Variants in H2AZ2 observed in about 807,000 individuals in gnomAD.
H2AZ2 encodes the protein H2A.Z variant histone 2, also known as histone H2A.V.
A neutral mutation model predicts 15.5 loss-of-function variants in H2AZ2; 5 were observed. The observed-to-expected ratio is 0.32, with a 90% CI of 0.17 to 0.68. The LOEUF is 0.68. H2AZ2 is among the 30% of genes least tolerant of loss of function. The pLI is 0.72. For synonymous variants in H2AZ2, 44 were observed against 57.4 expected (o/e 0.77, Z 1.05); for missense variants, 42 against 162.5 (o/e 0.26, Z 4.03).
chr7:44,847,632 A>T (rs1196535654), intron 1 of H2AZ2, among the ~76,000 whole-genome samples: 1 of 152,188 alleles, frequency 6.6e-6, no homozygotes, highest in African/African-American at 2.4e-5. Flanking sequence ...AGAAGCGATC[A>T]CATTAAGATC....
intron 3 of H2AZ2, 39 bp from the exon 4 acceptor site, chr7:44,835,697 C>T: frequency 6.6e-7 from 1 of 1,522,942 alleles, no homozygotes; most frequent in Admixed American, 2.1e-5. Context: ...AATGAAGGAC[C>T]TAGGATCCCA....
intron 1 of H2AZ2, 129 bp downstream of exon 1, chr7:44,847,840 G>A: frequency 7.8e-7 from 1 of 1,289,538 alleles, no homozygotes; most frequent in Non-Finnish European, 1.0e-6. Flanking sequence ...GGCGGGCGGC[G>A]AGGGGCTCGG....
downstream of H2AZ2, chr7:44,827,547 T>C (rs1792942793): frequency 6.6e-6 from 1 of 152,220 alleles, no homozygotes; most frequent in Non-Finnish European, 1.5e-5. Context: ...TTTCCAGTGT[T>C]GAGATGTTAG....
intron 3 of H2AZ2, among the ~76,000 whole-genome samples, chr7:44,835,986 G>C (rs1793111300): frequency 7.3e-6 from 1 of 137,188 alleles, no homozygotes; most frequent in South Asian, 2.3e-4. Context: ...TTGAGACAAG[G>C]TCTCACTCCA....
intron 3 of H2AZ2, among the ~76,000 whole-genome samples, chr7:44,835,864 G>A (rs1009255263): frequency 2.6e-5 from 4 of 151,392 alleles, no homozygotes; most frequent in Non-Finnish European, 5.9e-5. Context: ...ACACAAACTT[G>A]AGCAAAAACC....
chr7:44,848,051 C>A lies in H2AZ2; in HGVS notation c.-80G>T, dbSNP rs1023389975. ...CGCGCCGCCGCCGCCGCTCTCGCAG[C>A]ACCGACCGCCGCCGCCGGAGCCGGA... On this transcript the variant is annotated 5_prime_UTR_variant, in exon 1 of 5. Coordinates refer to ENST00000308153, the MANE Select transcript of H2AZ2 (RefSeq NM_012412.5). The A allele has an allele frequency of 1.1e-5, 10 of 918,748 alleles. No individual in the cohort carries two copies. In the Admixed American group the frequency reaches 1.3e-4, roughly 12 times the overall value. The allele number at this position is 918,748 out of a possible 1,614,324, so 56.9% of individuals were successfully genotyped here.
intron 1 of H2AZ2, among the ~76,000 whole-genome samples, chr7:44,846,772 A>C (rs1239694824): frequency 6.6e-6 from 1 of 152,176 alleles, no homozygotes; most frequent in African/African-American, 2.4e-5. Flanking sequence ...AAAGTACTTT[A>C]CAATAACAAT....
At chr7:44,839,332 T>TA (rs570339963) in intron 3 of H2AZ2, among the ~76,000 whole-genome samples, 348 of 152,124 alleles carry the variant, frequency 2.3e-3, no homozygotes, top group African/African-American at 7.9e-3. Context: ...CACTTGAGGC[T>TA]AGGAGTTAGA....
intron 2 of H2AZ2, among the ~76,000 whole-genome samples, chr7:44,842,033 C>T (rs1480097893): frequency 6.6e-6 from 1 of 152,222 alleles, no homozygotes; most frequent in Non-Finnish European, 1.5e-5. Context: ...TGACATTTTA[C>T]TTCCTTAATA....
intron 1 of H2AZ2, among the ~76,000 whole-genome samples, chr7:44,845,967 T>A (rs966304955): frequency 1.3e-5 from 2 of 151,796 alleles, no homozygotes; most frequent in Non-Finnish European, 2.9e-5. Flanking sequence ...CTAAATTTTT[T>A]AATTCCAAGA....
intron 1 of H2AZ2, among the ~76,000 whole-genome samples, chr7:44,843,973 C>G (rs1271002857): frequency 6.6e-6 from 1 of 151,032 alleles, no homozygotes; most frequent in African/African-American, 2.4e-5. Context: ...TTATCAATGT[C>G]AATGTAACAT....
intron 2 of H2AZ2, 76 bp from the exon 3 acceptor site, chr7:44,841,088 T>G: frequency 1.0e-6 from 1 of 997,032 alleles, no homozygotes; most frequent in Non-Finnish European, 1.5e-6. Context: ...GGCTGAACAA[T>G]GTAAGCATGA....
chr7:44,834,405 T>G lies in H2AZ2; in HGVS notation c.*96A>C. 1.3e-6 allele frequency: 2 copies of G among 1,492,274 alleles called. No homozygotes were observed. Among genetic ancestry groups the G allele is most frequent in the Non-Finnish European group, 1.8e-6 (2 of 1,110,282 alleles). 92.4% of individuals were successfully genotyped at this position (1,492,274 alleles called of 1,614,324 possible). On this transcript the variant is annotated 3_prime_UTR_variant, in exon 5 of 5. Transcript: ENST00000308153. Reference sequence around the variant, plus strand: ...ACAGTAATTGTCTATGCTTTTCCATTTAACTGTTGTTAAAAATTCCACATA... The same window carrying G: ...ACAGTAATTGTCTATGCTTTTCCATGTAACTGTTGTTAAAAATTCCACATA...
At chr7:44,839,268 A>C (rs1045760497) in intron 3 of H2AZ2, among the ~76,000 whole-genome samples, 1 of 152,128 alleles carries the variant, frequency 6.6e-6, no homozygotes, top group Admixed American at 6.5e-5. Flanking sequence ...ACATACTTCA[A>C]AGTTCACTGG....
chr7:44,833,239 TTTTG>T lies in H2AZ2; in HGVS notation c.*1258_*1261del, dbSNP rs1012721606. 6.6e-5 allele frequency among the ~76,000 whole-genome samples: 10 copies of T among 151,932 alleles called. No individual in the cohort carries two copies. The highest frequency in any genetic ancestry group is 2.1e-4 in the South Asian group (1 of 4,820). On this transcript the variant is annotated 3_prime_UTR_variant, in exon 5 of 5. Transcript: ENST00000308153. The stretch of plus-strand genomic sequence containing the variant: ...TTCTGTATTTTTAGTAGAGACTTTT[TTTTG>T]TTTGTTTTGAGAGGGAGTCTTGCTC...
At chr7:44,842,865 G>A (rs997027298) in intron 2 of H2AZ2, among the ~76,000 whole-genome samples, 1 of 152,058 alleles carries the variant, frequency 6.6e-6, no homozygotes, top group Non-Finnish European at 1.5e-5. Flanking sequence ...TCTCAGCCAG[G>A]CGCGGTGGCT....
rs927654755 is a variant in H2AZ2, at chr7:44,834,432, C to T, written c.*69G>A. On this transcript the variant is annotated 3_prime_UTR_variant, in exon 5 of 5. Coordinates refer to ENST00000308153, the MANE Select transcript of H2AZ2 (RefSeq NM_012412.5). ...AACTGTTGTTAAAAATTCCACATAT[C>T]CCCATTATTTCTTCTGTCCCAGTTA... The T allele has an allele frequency of 2.6e-6, 4 of 1,544,938 alleles. No individual in the cohort carries two copies. The African/African-American group carries it at 5.5e-5, about 21-fold the overall frequency.
At chr7:44,839,510 A>C (rs1320275248) in intron 3 of H2AZ2, among the ~76,000 whole-genome samples, 1 of 151,206 alleles carries the variant, frequency 6.6e-6, no homozygotes, top group Non-Finnish European at 1.5e-5. Context: ...CCCCGTCTCT[A>C]CTAAAAATAC....
intron 3 of H2AZ2, among the ~76,000 whole-genome samples, chr7:44,837,418 C>CA (rs1365895034): frequency 1.6e-3 from 62 of 38,416 alleles, no homozygotes; most frequent in East Asian, 6.0e-3. Context: ...GCAAGACTCT[C>CA]AAAAAAAAAA....
Sources: allele counts gnomAD v4.1 joint callset (sites outside exome capture counted in the v4.1 genomes callset), GRCh38; gene constraint gnomAD v4.1.1; transcripts MANE v1.5; gene names NCBI Gene and HGNC (gene_info 2026-07-23, HGNC 2026-07-21).